The following DTWD2 variants were observed in gnomAD, a reference collection of about 807,000 sequenced individuals.
The protein encoded by DTWD2 is tRNA-uridine aminocarboxypropyltransferase 2.
In DTWD2, 39 loss-of-function variants were observed where a neutral mutation model predicts 31.8. The observed-to-expected ratio is 1.22, with a 90% CI of 0.95 to 1.60. DTWD2 has a LOEUF of 1.60. DTWD2 is among the 40% of genes most tolerant of loss of function. The pLI, the probability that DTWD2 is intolerant of heterozygous loss-of-function variation, is 0.00. For synonymous variants in DTWD2, 180 were observed against 142.8 expected (o/e 1.26, Z -1.86); for missense variants, 515 against 381.5 (o/e 1.35, Z -2.92).
intron 1 of DTWD2, among the ~76,000 whole-genome samples, chr5:118,976,471 G>A (rs576617869): frequency 2.0e-4 from 31 of 152,076 alleles, no homozygotes; most frequent in African/African-American, 3.1e-4. Flanking sequence ...AAAAAGAGAA[G>A]AATCAAATAG....
chr5:118,917,584 A>G (rs1480509015), intron 4 of DTWD2, among the ~76,000 whole-genome samples: 1 of 152,194 alleles, frequency 6.6e-6, no homozygotes, highest in Admixed American at 6.5e-5. Context: ...GCCTTAGGAA[A>G]CTTACATTCA....
chr5:118,950,333 G>A (rs1054327539), intron 1 of DTWD2, among the ~76,000 whole-genome samples: 18 of 152,058 alleles, frequency 1.2e-4, no homozygotes, highest in Non-Finnish European at 4.4e-5. Context: ...CAAGGGAAAC[G>A]GTCCTTGAAA....
intron 4 of DTWD2, among the ~76,000 whole-genome samples, chr5:118,911,307 G>T (rs1178642268): frequency 6.6e-6 from 1 of 152,168 alleles, no homozygotes; most frequent in Non-Finnish European, 1.5e-5. Flanking sequence ...ACCACAATGA[G>T]ATATCACCTT....
chr5:118,982,880 G>A (rs903039527), intron 1 of DTWD2, among the ~76,000 whole-genome samples: 1 of 151,578 alleles, frequency 6.6e-6, no homozygotes, highest in African/African-American at 2.4e-5. Context: ...GTAGAGACAG[G>A]GTTTCACCAT....
At chr5:118,911,066 T>A (rs1026967240) in intron 4 of DTWD2, among the ~76,000 whole-genome samples, 3 of 152,172 alleles carry the variant, frequency 2.0e-5, no homozygotes, top group Non-Finnish European at 4.4e-5. Flanking sequence ...CACAGCACCA[T>A]ATATCTGATC....
At chr5:118,870,919 TCTTATATAATAA>T (rs1223537923) in intron 4 of DTWD2, among the ~76,000 whole-genome samples, 3 of 149,588 alleles carry the variant, frequency 2.0e-5, no homozygotes, top group East Asian at 3.9e-4. Context: ...ATATTCTAAA[TCTTATATAATAA>T]CTTATATAAT....
At chr5:118,974,107 G>A in intron 1 of DTWD2, 1 of 1,591,498 alleles carries the variant, frequency 6.3e-7, no homozygotes, top group Non-Finnish European at 8.6e-7. Flanking sequence ...AGAAGCAGAA[G>A]ACCGACGAGG....
intron 1 of DTWD2, among the ~76,000 whole-genome samples, chr5:118,949,739 A>C (rs993047298): frequency 6.6e-6 from 1 of 152,134 alleles, no homozygotes; most frequent in Non-Finnish European, 1.5e-5. Context: ...CTTGTGGATT[A>C]AGATGGGGAG....
chr5:118,859,691 G>A (rs921704239), intron 4 of DTWD2, among the ~76,000 whole-genome samples: 13 of 152,142 alleles, frequency 8.5e-5, no homozygotes, highest in African/African-American at 2.7e-4. Flanking sequence ...GTCAAATTGT[G>A]TAATAAGATA....
intron 1 of DTWD2, among the ~76,000 whole-genome samples, chr5:118,968,773 C>T (rs1355909022): frequency 6.6e-6 from 1 of 152,220 alleles, no homozygotes; most frequent in Non-Finnish European, 1.5e-5. Context: ...GGCGGGAAAT[C>T]CATCCATGCC....
At position 118,848,219 on chromosome 5, in the gene DTWD2, C is replaced by G. The variant is rs1475729669; in HGVS notation, c.598-1G>C. The G allele has an allele frequency of 1.3e-6, 2 of 1,577,392 alleles. No individual in the cohort carries two copies. The highest frequency in any genetic ancestry group is 2.0e-5 in the Admixed American group (1 of 50,102). On this transcript the variant is annotated splice_acceptor_variant, in intron 4 of 5. Coordinates refer to ENST00000510708, the MANE Select transcript of DTWD2 (RefSeq NM_173666.4). LOFTEE classifies it high-confidence loss of function. ...TAGAAATGCTAGTTTTTAATTGCAC[C>G]TGAAATCAAAAACAAAATAGAACAT...
At chr5:118,867,515 G>C (rs1752404258) in intron 4 of DTWD2, among the ~76,000 whole-genome samples, 1 of 152,132 alleles carries the variant, frequency 6.6e-6, no homozygotes, top group African/African-American at 2.4e-5. Flanking sequence ...TTTGAAACCA[G>C]GACTGTCACT....
chr5:118,845,661 T>G (rs1163555660), intron 5 of DTWD2, among the ~76,000 whole-genome samples: 1 of 152,180 alleles, frequency 6.6e-6, no homozygotes, highest in Non-Finnish European at 1.5e-5. Flanking sequence ...GCAAGCAGAA[T>G]GAGGGCTCTA....
intron 4 of DTWD2, among the ~76,000 whole-genome samples, chr5:118,858,641 T>G (rs964233752): frequency 6.6e-6 from 1 of 152,202 alleles, no homozygotes; most frequent in African/African-American, 2.4e-5. Context: ...CCTAGTTCCT[T>G]GCTCTTTTTT....
intron 1 of DTWD2, among the ~76,000 whole-genome samples, chr5:118,985,116 C>T (rs1389232934): frequency 1.2e-4 from 19 of 152,024 alleles, no homozygotes. Context: ...TCTCTGCAGC[C>T]TCGTCTCTCA....
At chr5:118,934,258 G>A in intron 3 of DTWD2, among the ~76,000 whole-genome samples, 1 of 93,610 alleles carries the variant, frequency 1.1e-5, no homozygotes. Context: ...AACATAGTGA[G>A]ACCTTGTCTC....
rs574949176 is a variant in DTWD2, at chr5:118,861,764, C to T, written c.598-13546G>A. 4.6e-5 allele frequency among the ~76,000 whole-genome samples: 7 copies of T among 152,014 alleles called. No homozygotes were observed. The South Asian group carries it at 8.3e-4, about 18-fold the overall frequency. ...GAAAAGAGCAGAAAATGAACATAAACGCAAATAAATAATAGTACTTAGTGG... is the reference window on the plus strand; with the variant it reads ...GAAAAGAGCAGAAAATGAACATAAATGCAAATAAATAATAGTACTTAGTGG... On this transcript the variant is annotated intron_variant, in intron 4 of 5. Coordinates refer to ENST00000510708, the MANE Select transcript of DTWD2 (RefSeq NM_173666.4).
intron 4 of DTWD2, among the ~76,000 whole-genome samples, chr5:118,908,082 A>G (rs944429497): frequency 1.3e-5 from 2 of 152,220 alleles, no homozygotes; most frequent in Non-Finnish European, 2.9e-5. Context: ...AAATTATTTA[A>G]TTTCATGTTT....
chr5:118,965,746 G>C (rs995424744), intron 1 of DTWD2, among the ~76,000 whole-genome samples: 2 of 150,756 alleles, frequency 1.3e-5, no homozygotes, highest in Non-Finnish European at 1.5e-5. Context: ...CAGCATGCTC[G>C]TTAAGAGTCA....
Sources: allele counts gnomAD v4.1 joint callset (sites outside exome capture counted in the v4.1 genomes callset), GRCh38; gene constraint gnomAD v4.1.1; transcripts MANE v1.5; gene names NCBI Gene and HGNC (gene_info 2026-07-23, HGNC 2026-07-21).